The following TRIP11 variants were observed in gnomAD, a reference collection of about 807,000 sequenced individuals.
TRIP11 encodes the protein thyroid receptor-interacting protein 11.
TRIP11 carries 148 observed loss-of-function variants against 223.1 expected under a neutral mutation model. The observed-to-expected ratio is 0.66, with a 90% CI of 0.58 to 0.76. The LOEUF is 0.76. Among genes scored for constraint, TRIP11 ranks in the 30% least tolerant of loss-of-function variants. The pLI is 0.00. For missense variants in TRIP11, 2,043 were observed against 2,222.0 expected, an observed-to-expected ratio of 0.92 and a Z score of 1.62; for synonymous variants, 762 against 772.6, an observed-to-expected ratio of 0.99 and a Z score of 0.23.
intron 15 of TRIP11, 21 bp downstream of exon 15, chr14:91,993,788 G>T: frequency 6.4e-7 from 1 of 1,568,118 alleles, no homozygotes; most frequent in South Asian, 1.1e-5. Flanking sequence ...AAACCTACAA[G>T]AGAAAACTAT....
intron 2 of TRIP11, among the ~76,000 whole-genome samples, chr14:92,029,859 A>G (rs899274055): frequency 5.9e-5 from 9 of 151,714 alleles, no homozygotes; most frequent in African/African-American, 1.9e-4. Context: ...ATCTTACACA[A>G]ATCTTCAGAT....
chr14:91,995,627 T>G, intron 13 of TRIP11, 112 bp from the exon 14 acceptor site: 1 of 1,194,044 alleles, frequency 8.4e-7, no homozygotes, highest in Non-Finnish European at 1.1e-6. Flanking sequence ...TTCTTTTTTT[T>G]TTTTTTGAGA....
At chr14:92,002,508 TTTC>T in intron 11 of TRIP11, among the ~76,000 whole-genome samples, 1 of 152,062 alleles carries the variant, frequency 6.6e-6, no homozygotes, top group East Asian at 1.9e-4. Context: ...CTCAGCACAT[TTTC>T]TTATTATTTT....
At chr14:91,997,770 T>A (rs1021294080) in intron 13 of TRIP11, among the ~76,000 whole-genome samples, 1 of 152,126 alleles carries the variant, frequency 6.6e-6, no homozygotes, top group East Asian at 1.9e-4. Context: ...CCTGGGACCA[T>A]CCTTGAGTCA....
intron 13 of TRIP11, 117 bp downstream of exon 13, chr14:91,999,123 C>G: frequency 8.6e-7 from 1 of 1,161,664 alleles, no homozygotes; most frequent in South Asian, 1.4e-5. Flanking sequence ...GTTTCTTCAT[C>G]CATAAAATAC....
rs1165387131 is a variant in TRIP11 at position 91,995,338 on chromosome 14, A to G, written c.5056+14T>C. 6.2e-7 allele frequency: 1 copy of G among 1,612,826 alleles called. No individual in the cohort carries two copies. The highest frequency in any genetic ancestry group is 2.2e-5 in the East Asian group (1 of 44,856). On this transcript the variant is annotated intron_variant, in intron 14 of 20. Coordinates refer to ENST00000267622, the MANE Select transcript of TRIP11 (RefSeq NM_004239.4). ...ACAATTTTTCTTCATTGAAAGAGTG[A>G]CCGTAGAGCTTACCTTGTTGGAAAT...
chr14:92,029,566 C>T (rs988092664), intron 2 of TRIP11, among the ~76,000 whole-genome samples: 52 of 152,164 alleles, frequency 3.4e-4, no homozygotes, highest in African/African-American at 1.2e-3. Context: ...AGTTTACAGG[C>T]ATGAGCCTGT....
At chr14:92,026,402 AAT>A (rs1250710421) in intron 2 of TRIP11, among the ~76,000 whole-genome samples, 3 of 152,250 alleles carry the variant, frequency 2.0e-5, no homozygotes, top group Non-Finnish European at 4.4e-5. Context: ...TGAATGAAAT[AAT>A]AAGAACATAA....
intron 20 of TRIP11, among the ~76,000 whole-genome samples, chr14:91,971,067 T>C (rs1200282781): frequency 6.6e-6 from 1 of 152,234 alleles, no homozygotes; most frequent in Non-Finnish European, 1.5e-5. Flanking sequence ...TCTATGAAGT[T>C]GGGCTAATAC....
chr14:92,020,434 A>G (rs951994163), intron 4 of TRIP11, among the ~76,000 whole-genome samples: 2 of 152,192 alleles, frequency 1.3e-5, no homozygotes, highest in African/African-American at 4.8e-5. Context: ...TTTCTAGTGC[A>G]TGAGAAACAA....
chr14:92,035,398 A>C (rs1038303097), intron 1 of TRIP11, among the ~76,000 whole-genome samples: 1 of 151,788 alleles, frequency 6.6e-6, no homozygotes, highest in African/African-American at 2.4e-5. Context: ...TTCATTACTC[A>C]CAGCTCTTTA....
At position 92,037,602 on chromosome 14, in the gene TRIP11, G is replaced by A. The variant is rs571601327; in HGVS notation, c.139+1945C>T. 5.3e-5 allele frequency among the ~76,000 whole-genome samples: 8 copies of A among 152,336 alleles called. No individual in the cohort carries two copies. In the South Asian group the frequency reaches 8.3e-4, roughly 16 times the overall value. On this transcript the variant is annotated intron_variant, in intron 1 of 20. Coordinates refer to ENST00000267622, the MANE Select transcript of TRIP11 (RefSeq NM_004239.4). The surrounding 1 kb of genome is among the most constrained non-coding windows in gnomAD (Gnocchi z 4.2). ...AAAAGGTACATTGAAGGTCGGGTGC[G>A]GTGGCTCACGCCTGTAATCCCAGCA...
intron 16 of TRIP11, among the ~76,000 whole-genome samples, chr14:91,983,212 C>A (rs1167298240): frequency 7.2e-5 from 11 of 152,334 alleles, no homozygotes; most frequent in African/African-American, 2.4e-4. Flanking sequence ...ATCTTCCCTT[C>A]CTGCCTGACT....
At chr14:91,975,347 A>G in intron 17 of TRIP11, 61 bp from the exon 18 acceptor site, 4 of 1,071,662 alleles carry the variant, frequency 3.7e-6, no homozygotes, top group Non-Finnish European at 5.8e-6. Flanking sequence ...CTCAAACACT[A>G]AGCATAGAAA....
chr14:92,040,022 G>C lies in TRIP11; in HGVS notation c.-337C>G, dbSNP rs886050915. On this transcript the variant is annotated 5_prime_UTR_variant, in exon 1 of 21. Transcript: ENST00000267622. ...GGGTTACTCCTGCCAACTCGACGCC[G>C]GCCGCCATGACACTCGCTCGGAAAG... 4.7e-6 allele frequency: 2 copies of C among 428,424 alleles called. No homozygotes were observed. The highest frequency in any genetic ancestry group is 2.0e-5 in the African/African-American group (1 of 50,912). 26.5% of individuals were successfully genotyped at this position (428,424 alleles called of 1,614,324 possible).
intron 15 of TRIP11, among the ~76,000 whole-genome samples, chr14:91,992,172 G>T (rs980770949): frequency 6.8e-6 from 1 of 147,778 alleles, no homozygotes; most frequent in Non-Finnish European, 1.5e-5. Flanking sequence ...TCAAAAATAT[G>T]CAAAACCAAA....
intron 3 of TRIP11, 64 bp from the exon 4 acceptor site, chr14:92,021,895 G>GAA (rs1377845949): frequency 4.5e-6 from 7 of 1,547,204 alleles, no homozygotes; most frequent in Non-Finnish European, 6.2e-6. Flanking sequence ...ACTTTTTATA[G>GAA]ATTTGTATTA....
At chr14:91,982,282 A>G (rs1344170508) in intron 16 of TRIP11, among the ~76,000 whole-genome samples, 1 of 152,214 alleles carries the variant, frequency 6.6e-6, no homozygotes, top group Admixed American at 6.5e-5. Flanking sequence ...AACAGAACTA[A>G]TTTTTTAAAA....
chr14:92,011,564 G>A (rs1011409254), intron 8 of TRIP11, among the ~76,000 whole-genome samples, 191 bp downstream of exon 8: 5 of 147,964 alleles, frequency 3.4e-5, no homozygotes, highest in Admixed American at 6.8e-5. Flanking sequence ...ATGCATTTTC[G>A]ACACTCTTAC....
Sources: gnomAD v4.1 joint callset for allele counts (sites outside exome capture counted in the v4.1 genomes callset) on GRCh38, gnomAD v4.1.1 for gene constraint, Gnocchi (gnomAD v3.1) non-coding constraint, MANE v1.5 for transcripts, NCBI Gene and HGNC (gene_info 2026-07-23, HGNC 2026-07-21) for gene names.